The following PRR5 variants were observed in gnomAD, a reference collection of about 807,000 sequenced individuals.
PRR5 encodes proline rich 5, also known as proline-rich protein 5.
In PRR5, 25 loss-of-function variants were observed where a neutral mutation model predicts 30.6. That is an observed-to-expected ratio of 0.82 (90% CI 0.60 to 1.14). The LOEUF (loss-of-function observed/expected upper bound fraction) is 1.14. Among genes scored for constraint, PRR5 ranks in the 50% most tolerant of loss-of-function variants. The probability of loss-of-function intolerance (pLI) is 0.00; values close to 1 mark genes in which losing one functional copy is unlikely to be tolerated. For synonymous variants in PRR5, 286 were observed against 247.1 expected, an observed-to-expected ratio of 1.16 and a Z score of -1.48; for missense variants, 600 against 547.1, an observed-to-expected ratio of 1.10 and a Z score of -0.96.
In PRR5 at chr22:44,730,993, C is replaced by T. The variant is rs748053733; in HGVS notation, c.323-737C>T. ...CTGGGTCCCCAGTGCCCAGCATCAG[C>T]GCCAGCACACAGTAGGTGTTCTGTG... On this transcript the variant is annotated intron_variant, in intron 4 of 7. Transcript: ENST00000336985. The T allele has an allele frequency of 4.3e-5, 18 of 418,334 alleles. No homozygotes were observed. In the East Asian group the frequency reaches 4.7e-4, roughly 11 times the overall value. 25.9% of individuals were successfully genotyped at this position (418,334 alleles called of 1,614,324 possible). A position where few individuals can be genotyped will look rare whatever the true frequency, so the allele number is the denominator to read the frequency against.
chr22:44,679,699 T>C, intron 1 of PRR5: 1 of 1,114,520 alleles, frequency 9.0e-7, no homozygotes, highest in Non-Finnish European at 1.3e-6. Context: ...AGAGCGAAAC[T>C]CCATCTCAAA....
At chr22:44,686,983 A>G (rs373088285) in intron 1 of PRR5, among the ~76,000 whole-genome samples, 4 of 152,060 alleles carry the variant, frequency 2.6e-5, no homozygotes, top group African/African-American at 4.8e-5. Context: ...GTCTCCTCCA[A>G]TGGTTTCTCG....
At chr22:44,720,707 A>C (rs1374367792) in intron 2 of PRR5, among the ~76,000 whole-genome samples, 2 of 152,172 alleles carry the variant, frequency 1.3e-5, no homozygotes, top group Non-Finnish European at 2.9e-5. Flanking sequence ...TTCAGATCTG[A>C]GGCCGTGTCT....
intron 1 of PRR5, among the ~76,000 whole-genome samples, chr22:44,695,284 T>A (rs146507123): frequency 6.6e-6 from 1 of 152,348 alleles, no homozygotes; most frequent in East Asian, 1.9e-4. Context: ...CTATGTGTTA[T>A]GTTCAGGGAC....
intron 1 of PRR5, among the ~76,000 whole-genome samples, chr22:44,695,540 C>G (rs996767988): frequency 6.6e-6 from 1 of 151,998 alleles, no homozygotes; most frequent in African/African-American, 2.4e-5. Flanking sequence ...ATATAAGAAG[C>G]CTCTCTTCAT....
chr22:44,716,644 G>T (rs1929094870), intron 2 of PRR5, among the ~76,000 whole-genome samples: 1 of 152,182 alleles, frequency 6.6e-6, no homozygotes, highest in South Asian at 2.1e-4. Flanking sequence ...GTTGACGTGG[G>T]TTGCTTGAGG....
chr22:44,688,867 G>A (rs1168882642), intron 1 of PRR5, among the ~76,000 whole-genome samples: 4 of 151,946 alleles, frequency 2.6e-5, no homozygotes, highest in Non-Finnish European at 5.9e-5. Flanking sequence ...GCACGCCTGT[G>A]ATCCCAGCTA....
At chr22:44,678,322 CTCTTT>C (rs1923951851) in intron 1 of PRR5, among the ~76,000 whole-genome samples, 1 of 144,360 alleles carries the variant, frequency 6.9e-6, no homozygotes. Flanking sequence ...CTTCTGCTGG[CTCTTT>C]TTTTTTTTTT....
chr22:44,729,302 G>C, intron 4 of PRR5: 3 of 967,930 alleles, frequency 3.1e-6, no homozygotes, highest in Non-Finnish European at 3.7e-6. Flanking sequence ...AAACAGGGTT[G>C]TTGGTTTGCA....
intron 1 of PRR5, among the ~76,000 whole-genome samples, chr22:44,685,182 A>G (rs996482190): frequency 6.6e-6 from 1 of 152,144 alleles, no homozygotes; most frequent in Non-Finnish European, 1.5e-5. Context: ...GTAGATGGGT[A>G]CGCAGTGCCA....
chr22:44,684,184 G>A (rs777260363), intron 1 of PRR5, among the ~76,000 whole-genome samples: 16 of 152,358 alleles, frequency 1.1e-4, no homozygotes, highest in Non-Finnish European at 2.9e-5. Context: ...CAGAGCCTGA[G>A]CTGTGAGCCC....
chr22:44,702,646 A>T, intron 1 of PRR5, 38 bp downstream of exon 1: 1 of 1,263,272 alleles, frequency 7.9e-7, no homozygotes. Context: ...GAGGCCCTGG[A>T]GCCGGGGGAG....
rs776258749 is a variant in PRR5, at chr22:44,691,545, G to A, written c.-10-10947G>A. 1.3e-4 allele frequency among the ~76,000 whole-genome samples: 20 copies of A among 152,280 alleles called. No individual in the cohort carries two copies. The highest frequency in any genetic ancestry group is 3.4e-3 in the Middle Eastern group (1 of 294). ...GCCGAGCAGTTTGGGAGGCCGAGGC[G>A]GGTAGATCACCTGAGGTCAGGAGTT... is the stretch of plus-strand genomic sequence containing the variant. On this transcript the variant is annotated intron_variant, in intron 1 of 8. Transcript: ENST00000006251. This position sits in a 1 kb window ranked among gnomAD's most constrained non-coding sequence, Gnocchi z 4.4.
chr22:44,712,993 T>C (rs1210175995), intron 1 of PRR5, among the ~76,000 whole-genome samples: 1 of 152,026 alleles, frequency 6.6e-6, no homozygotes, highest in Non-Finnish European at 1.5e-5. Context: ...GCCTCATGGA[T>C]AGGGATGAGA....
At chr22:44,736,221 G>C (rs1481821894) in intron 7 of PRR5, among the ~76,000 whole-genome samples, 1 of 152,134 alleles carries the variant, frequency 6.6e-6, no homozygotes, top group East Asian at 1.9e-4. Flanking sequence ...ATTTACAACT[G>C]CCTGGCTACA....
chr22:44,668,911 T>TGCCGGCAGAGCGGC (rs1569055681), intron 1 of PRR5: 1 of 146,478 alleles, frequency 6.8e-6, no homozygotes, highest in African/African-American at 2.5e-5. Context: ...CCCGGGGCGG[T>TGCCGGCAGAGCGGC]GCCGGCGGAG....
chr22:44,725,970 T>C (rs1434301464), intron 3 of PRR5, among the ~76,000 whole-genome samples: 2 of 152,228 alleles, frequency 1.3e-5, no homozygotes, highest in African/African-American at 4.8e-5. Flanking sequence ...CGACCAATTC[T>C]GTACATTTCA....
rs1926509002 is a variant in PRR5, at chr22:44,702,624, C to G, written c.134+16C>G. ...CCTGGAACAGGTAAGGCCGCGCCCT[C>G]CCGGCCACCCGGAGGCCCTGGAGCC... On this transcript the variant is annotated intron_variant, in intron 1 of 7. Transcript: ENST00000336985. 1 of 1,277,814 alleles carries G rather than the reference C, an allele frequency of 7.8e-7. No individual in the cohort carries two copies. The highest frequency in any genetic ancestry group is 9.9e-7 in the Non-Finnish European group (1 of 1,008,574). The allele number at this position is 1,277,814 out of a possible 1,614,324, so 79.2% of individuals were successfully genotyped here. A position where few individuals can be genotyped will look rare whatever the true frequency, so the allele number is the denominator to read the frequency against.
chr22:44,705,463 A>G (rs567639325), intron 1 of PRR5, among the ~76,000 whole-genome samples: 10 of 151,468 alleles, frequency 6.6e-5, no homozygotes, highest in Non-Finnish European at 1.3e-4. Context: ...AGCTGGGATT[A>G]CAGGCGCCCA....
Sources: allele counts gnomAD v4.1 joint callset (sites outside exome capture counted in the v4.1 genomes callset), GRCh38; gene constraint gnomAD v4.1.1; non-coding constraint Gnocchi (gnomAD v3.1); transcripts MANE v1.5; gene names NCBI Gene and HGNC (gene_info 2026-07-23, HGNC 2026-07-21).